Variants in APPBP2 observed in about 807,000 individuals in gnomAD.
APPBP2 encodes amyloid beta precursor protein binding protein 2.
A neutral mutation model predicts 76.0 loss-of-function variants in APPBP2; 15 were observed. The ratio of observed to expected loss-of-function variants is 0.20; its 90% confidence interval spans 0.13 to 0.30. The LOEUF is 0.30. APPBP2 is among the 10% of genes least tolerant of loss of function. The pLI is 1.00. For synonymous variants in APPBP2, 222 were observed against 242.2 expected (o/e 0.92, Z 0.77); for missense variants, 401 against 687.2 (o/e 0.58, Z 4.66).
In APPBP2 at chr17:60,494,386, G is replaced by C. The variant is rs987295981; in HGVS notation, c.379+80C>G. On this transcript the variant is annotated intron_variant, in intron 3 of 12. Coordinates refer to ENST00000083182, the MANE Select transcript of APPBP2 (RefSeq NM_006380.5). ...ACCTTCTTACGTAGACTTTGGGAAAGCCCTGGAAGAATTCTTTGTTAGCAG... is the reference window on the plus strand; with the variant it reads ...ACCTTCTTACGTAGACTTTGGGAAACCCCTGGAAGAATTCTTTGTTAGCAG... 3 of 1,508,408 alleles carry C rather than the reference G, an allele frequency of 2.0e-6. No homozygotes were observed. The African/African-American group carries it at 4.2e-5, about 21-fold the overall frequency. 93.4% of individuals were successfully genotyped at this position (1,508,408 alleles called of 1,614,324 possible).
At chr17:60,514,394 C>G (rs1335973545) in intron 1 of APPBP2, among the ~76,000 whole-genome samples, 3 of 151,996 alleles carry the variant, frequency 2.0e-5, no homozygotes, top group African/African-American at 7.2e-5. Flanking sequence ...CCGCCTAATG[C>G]CAGGAATTCA....
chr17:60,451,650 G>A (rs2090396131), intron 12 of APPBP2, among the ~76,000 whole-genome samples: 1 of 151,842 alleles, frequency 6.6e-6, no homozygotes, highest in Admixed American at 6.6e-5. Flanking sequence ...ATTTGTTTTT[G>A]TATTTTTTAG....
chr17:60,487,627 G>A (rs548857118), intron 3 of APPBP2, among the ~76,000 whole-genome samples: 2 of 152,248 alleles, frequency 1.3e-5, no homozygotes, highest in Middle Eastern at 3.4e-3. Flanking sequence ...GCTTCCTTGC[G>A]ATGGGTTCGA....
rs1225377405 is a variant in APPBP2, at chr17:60,444,875, T to C, written c.*2706A>G. ...CCAAAGGCCCCTAATTTAACATAAC[T>C]TTGCTGAACCTCCAGAAAAATCTTT... On this transcript the variant is annotated 3_prime_UTR_variant, in exon 13 of 13. Coordinates refer to ENST00000083182, the MANE Select transcript of APPBP2 (RefSeq NM_006380.5). 1 of 152,414 alleles carries C rather than the reference T, an allele frequency of 6.6e-6. No homozygotes were observed. The highest frequency in any genetic ancestry group is 1.5e-5 in the Non-Finnish European group (1 of 68,020). The allele number at this position is 152,414 out of a possible 1,614,324, so 9.4% of individuals were successfully genotyped here.
In APPBP2 at chr17:60,518,350, TGTGCGTGC is replaced by T. The variant is rs1199858016; in HGVS notation, c.138+7436_138+7443del. ...GCATGAGCTACCATGCCCAGCCGTG[TGTGCGTGC>T]GTGTGTGTGTGTGTGTGTGTGTGTG... On this transcript the variant is annotated intron_variant, in intron 1 of 12. Transcript: ENST00000083182. 7.8e-4 allele frequency among the ~76,000 whole-genome samples: 90 copies of T among 114,832 alleles called. 6 individuals carry two copies. Among genetic ancestry groups the T allele is most frequent in the African/African-American group, 5.3e-3 (74 of 13,974 alleles). The allele number at this position is 114,832 out of a possible 152,430, so 75.3% of individuals were successfully genotyped here.
chr17:60,451,534 C>T (rs1369692820), intron 12 of APPBP2, among the ~76,000 whole-genome samples: 1 of 152,054 alleles, frequency 6.6e-6, no homozygotes, highest in Non-Finnish European at 1.5e-5. Context: ...AGAGCAGTGG[C>T]ACAATCTCAG....
intron 8 of APPBP2, 59 bp from the exon 9 acceptor site, chr17:60,460,846 A>C (rs1404364610): frequency 3.3e-6 from 5 of 1,538,168 alleles, no homozygotes; most frequent in East Asian, 4.6e-5. Flanking sequence ...AGTTAAATTA[A>C]ACATCCTAGT....
intron 1 of APPBP2, among the ~76,000 whole-genome samples, chr17:60,501,600 G>C (rs1412867937): frequency 6.6e-6 from 1 of 152,018 alleles, no homozygotes; most frequent in Non-Finnish European, 1.5e-5. Context: ...GTTTCACCAT[G>C]TTGGCCAGGC....
chr17:60,476,387 A>T (rs939441798), intron 4 of APPBP2, among the ~76,000 whole-genome samples: 1 of 152,206 alleles, frequency 6.6e-6, no homozygotes, highest in African/African-American at 2.4e-5. Flanking sequence ...TGTGCAAAAC[A>T]CTTCTTTTCT....
Position 60,456,239 on chromosome 17 carries a change from ATT to A in APPBP2, c.1147+55_1147+56del, listed in dbSNP as rs930751226. 63 of 1,198,348 alleles carry A rather than the reference ATT, an allele frequency of 5.3e-5. No homozygotes were observed. The African/African-American group carries it at 8.6e-4, about 16-fold the overall frequency. The allele number at this position is 1,198,348 out of a possible 1,614,324, so 74.2% of individuals were successfully genotyped here. On this transcript the variant is annotated intron_variant, in intron 10 of 12. Transcript: ENST00000083182. ...TCTGAGAAAATAAACAAATACCCCT[ATT>A]TTATACCATATATCATCTATTTTAA...
At chr17:60,501,631 CA>C (rs2090824402) in intron 1 of APPBP2, among the ~76,000 whole-genome samples, 1 of 152,052 alleles carries the variant, frequency 6.6e-6, no homozygotes, top group African/African-American at 2.4e-5. Context: ...CTCCTGACCT[CA>C]AGACCAAATG....
Position 60,460,790 on chromosome 17 carries a change from G to A in APPBP2, c.937-3C>T, listed in dbSNP as rs1454873240. On this transcript the variant is annotated splice_region_variant and splice_polypyrimidine_tract_variant and intron_variant, in intron 8 of 12. Transcript: ENST00000083182. ...GACTGTCTAATGTCAAGGGCTGCCT[G>A]AAAGAATCATAAAAATATTTGTCAA... 4 of 1,608,506 alleles carry A rather than the reference G, an allele frequency of 2.5e-6. No individual in the cohort carries two copies. The highest frequency in any genetic ancestry group is 1.7e-5 in the Admixed American group (1 of 58,592).
intron 4 of APPBP2, among the ~76,000 whole-genome samples, chr17:60,477,136 T>C (rs1394426618): frequency 6.6e-6 from 1 of 152,212 alleles, no homozygotes; most frequent in Non-Finnish European, 1.5e-5. Flanking sequence ...TCTTACTGCC[T>C]ATTAACACTT....
chr17:60,449,044 G>A (rs1001393562), intron 12 of APPBP2, among the ~76,000 whole-genome samples: 1 of 152,188 alleles, frequency 6.6e-6, no homozygotes. Context: ...GGAAAGGGGT[G>A]TAAATAACCC....
intron 2 of APPBP2, among the ~76,000 whole-genome samples, chr17:60,500,002 T>C (rs905624821): frequency 6.6e-6 from 1 of 150,674 alleles, no homozygotes; most frequent in Middle Eastern, 3.4e-3. Context: ...GGTTGCACAA[T>C]GTGAATATAC....
chr17:60,460,783 G>C lies in APPBP2; in HGVS notation c.941C>G (p.Ala314Gly), dbSNP rs755647142. The C allele has an allele frequency of 1.2e-6, 2 of 1,610,560 alleles. No individual in the cohort carries two copies. Among genetic ancestry groups the C allele is most frequent in the African/African-American group, 2.7e-5 (2 of 74,684 alleles). The change falls in exon 9 of 13, where the codon GCC becomes GGC. Residue 314 changes from alanine to glycine, a missense_variant. Ala to Gly is a moderately conservative substitution (Grantham distance 60). Around this residue, in one of 5 missense-constraint regions of APPBP2, gnomAD observed 130 missense variants for 322.7 expected, o/e 0.40. Transcript: ENST00000083182. ...ICQSVAIYQAALDIRQSVFGG... is the reference protein window; with the variant it reads ...ICQSVAIYQAGLDIRQSVFGG... ...AAACACTGACTGTCTAATGTCAAGG[G>C]CTGCCTGAAAGAATCATAAAAATAT...
chr17:60,500,580 G>A (rs2090815291), intron 1 of APPBP2, 93 bp from the exon 2 acceptor site: 3 of 874,768 alleles, frequency 3.4e-6, no homozygotes, highest in South Asian at 1.6e-5. Flanking sequence ...ATTAATTTCA[G>A]GAAAGATGCT....
At chr17:60,500,116 A>G (rs1382603129) in intron 2 of APPBP2, among the ~76,000 whole-genome samples, 1 of 149,356 alleles carries the variant, frequency 6.7e-6, no homozygotes, top group African/African-American at 2.5e-5. Context: ...GGTTCACGCC[A>G]TTTTCCTGCC....
At chr17:60,478,682 G>C (rs866549111) in intron 4 of APPBP2, among the ~76,000 whole-genome samples, 1 of 152,198 alleles carries the variant, frequency 6.6e-6, no homozygotes, top group Non-Finnish European at 1.5e-5. Context: ...AGCACTTTGG[G>C]AGGCCAAGGC....
Sources: allele counts gnomAD v4.1 joint callset (sites outside exome capture counted in the v4.1 genomes callset), GRCh38; gene constraint gnomAD v4.1.1; regional missense constraint gnomAD v4.1.1; transcripts MANE v1.5; gene names NCBI Gene and HGNC (gene_info 2026-07-23, HGNC 2026-07-21).